Variants in TENM3 observed in about 807,000 individuals in gnomAD.
TENM3 encodes teneurin transmembrane protein 3.
TENM3 carries 63 observed loss-of-function variants against 255.1 expected under a neutral mutation model. The observed-to-expected ratio is 0.25, with a 90% CI of 0.20 to 0.30. The LOEUF (loss-of-function observed/expected upper bound fraction) is 0.30. Ranked by LOEUF, TENM3 falls within the 10% of genes least tolerant of loss-of-function variation. The pLI, the probability that TENM3 is intolerant of heterozygous loss-of-function variation, is 1.00. For synonymous variants in TENM3, 1,306 were observed against 1,322.3 expected (o/e 0.99, Z 0.27); for missense variants, 2,929 against 3,461.1 (o/e 0.85, Z 3.86).
chr4:182,094,805 A>G, the TENM3 span, among the ~76,000 whole-genome samples: 5 of 152,200 alleles, frequency 3.3e-5, no homozygotes, highest in African/African-American at 4.8e-5. Context: ...GAAATGGAAA[A>G]GTGCAGAAAT....
At chr4:182,043,388 T>G in the TENM3 span, among the ~76,000 whole-genome samples, 1 of 152,218 alleles carries the variant, frequency 6.6e-6, no homozygotes, top group Non-Finnish European at 1.5e-5. Flanking sequence ...TCTTTTAAGA[T>G]CCTCTGTAAG....
At chr4:181,997,506 T>A in the TENM3 span, among the ~76,000 whole-genome samples, 1 of 152,144 alleles carries the variant, frequency 6.6e-6, no homozygotes. Context: ...GTTGTGTGGC[T>A]CTCTGTTAAA....
chr4:181,480,744 T>C, the TENM3 span, among the ~76,000 whole-genome samples: 1 of 150,330 alleles, frequency 6.7e-6, no homozygotes, highest in African/African-American at 2.4e-5. Context: ...AATATATATA[T>C]CCAGATGAAA....
At chr4:181,626,772 A>G in the TENM3 span, among the ~76,000 whole-genome samples, 1 of 152,234 alleles carries the variant, frequency 6.6e-6, no homozygotes, top group Non-Finnish European at 1.5e-5. Context: ...TGTCAACCAT[A>G]TCAGGGGCCA....
intron 3 of TENM3, among the ~76,000 whole-genome samples, chr4:182,378,946 A>G (rs1767377527): frequency 6.6e-6 from 1 of 151,858 alleles, no homozygotes; most frequent in African/African-American, 2.4e-5. Flanking sequence ...AGACTCTACA[A>G]ATAACTGGGT....
At chr4:181,997,493 C>T in the TENM3 span, among the ~76,000 whole-genome samples, 14,326 of 152,118 alleles carry the variant, frequency 0.094, 817 homozygotes, top group Middle Eastern at 0.16. Context: ...ACACAGATGC[C>T]TAGTTGTGTG....
intron 3 of TENM3, among the ~76,000 whole-genome samples, chr4:182,457,695 C>A (rs530244069): frequency 6.6e-6 from 1 of 150,970 alleles, no homozygotes; most frequent in South Asian, 2.1e-4. Context: ...ATGGTTGGGA[C>A]CACAGGTGTG....
chr4:181,485,998 G>C, the TENM3 span, among the ~76,000 whole-genome samples: 1 of 147,570 alleles, frequency 6.8e-6, no homozygotes, highest in Admixed American at 7.0e-5. Flanking sequence ...ACCTTAAGAT[G>C]CCATTCAAAA....
At chr4:181,863,932 A>G in the TENM3 span, among the ~76,000 whole-genome samples, 1 of 152,154 alleles carries the variant, frequency 6.6e-6, no homozygotes, top group Admixed American at 6.5e-5. Context: ...AATGTCACAA[A>G]TATGTTAATT....
At chr4:181,904,446 A>G in the TENM3 span, among the ~76,000 whole-genome samples, 2 of 152,172 alleles carry the variant, frequency 1.3e-5, no homozygotes, top group East Asian at 3.9e-4. Flanking sequence ...AAAACATCAC[A>G]TGTACCCGAT....
rs771809722 is a variant in TENM3 at position 182,754,486 on chromosome 4, A to G, written c.4119A>G (p.Gln1373=). ...TTTTACAGATCACTGAAAATCGTCA[A>G]GTTCGCATTGCTGCTGGACGGCCCA... ...NVVLQITENR[Q]VRIAAGRPMH... The change falls in exon 22 of 28, where the codon CAA becomes CAG. Residue 1373 remains glutamine, a synonymous_variant. Coordinates refer to ENST00000511685, the MANE Select transcript of TENM3 (RefSeq NM_001080477.4). This position sits in a 1 kb window ranked among gnomAD's most constrained non-coding sequence, Gnocchi z 5.1. The G allele has an allele frequency of 3.7e-6, 6 of 1,613,644 alleles. No individual in the cohort carries two copies. The Admixed American group carries it at 6.7e-5, about 18-fold the overall frequency.
chr4:181,897,259 G>T, the TENM3 span, among the ~76,000 whole-genome samples: 2 of 152,200 alleles, frequency 1.3e-5, no homozygotes, highest in African/African-American at 4.8e-5. Flanking sequence ...GAAGGGGTTA[G>T]TGGAATGGGT....
intron 1 of TENM3, among the ~76,000 whole-genome samples, chr4:182,251,095 C>CT (rs1195795340): frequency 6.6e-6 from 1 of 152,160 alleles, no homozygotes; most frequent in African/African-American, 2.4e-5. Flanking sequence ...GGTTCGGGGC[C>CT]TTAATTAAAG....
At chr4:182,736,727 T>C in intron 16 of TENM3, 81 bp from the exon 17 acceptor site, 1 of 1,290,986 alleles carries the variant, frequency 7.7e-7, no homozygotes, top group Admixed American at 2.7e-5. Context: ...ACAAATATAG[T>C]GAATATGTGC....
At chr4:181,738,480 T>C in the TENM3 span, among the ~76,000 whole-genome samples, 1 of 152,186 alleles carries the variant, frequency 6.6e-6, no homozygotes, top group Non-Finnish European at 1.5e-5. Flanking sequence ...TATGTCCCCA[T>C]CGTCTATAAC....
intron 3 of TENM3, among the ~76,000 whole-genome samples, chr4:182,354,254 G>C (rs186978607): frequency 6.6e-6 from 1 of 152,276 alleles, no homozygotes; most frequent in African/African-American, 2.4e-5. Flanking sequence ...TGTTCTTTTA[G>C]TTGTAGAGTT....
chr4:181,721,142 C>T, the TENM3 span, among the ~76,000 whole-genome samples: 3 of 150,876 alleles, frequency 2.0e-5, no homozygotes, highest in African/African-American at 7.3e-5. Context: ...GAGGGGGGAA[C>T]ATTATGTACA....
At chr4:182,353,039 T>C (rs1257060512) in intron 3 of TENM3, among the ~76,000 whole-genome samples, 4 of 152,168 alleles carry the variant, frequency 2.6e-5, no homozygotes, top group Non-Finnish European at 4.4e-5. Flanking sequence ...GCCAGCTATG[T>C]CATGTACTTG....
chr4:182,129,426 A>C, the TENM3 span, among the ~76,000 whole-genome samples: 3 of 152,224 alleles, frequency 2.0e-5, no homozygotes, highest in Non-Finnish European at 4.4e-5. Flanking sequence ...TGAATGAAGA[A>C]GAATCAAATT....
Sources: allele counts gnomAD v4.1 joint callset (sites outside exome capture counted in the v4.1 genomes callset), GRCh38; gene constraint gnomAD v4.1.1; non-coding constraint Gnocchi (gnomAD v3.1); transcripts MANE v1.5; gene names NCBI Gene and HGNC (gene_info 2026-07-23, HGNC 2026-07-21).